Variants in CTNNA3 observed in about 807,000 individuals in gnomAD.
The protein encoded by CTNNA3 is catenin alpha 3.
In CTNNA3, 76 loss-of-function variants were observed where a neutral mutation model predicts 95.7. The observed-to-expected ratio is 0.79, with a 90% CI of 0.66 to 0.96. The LOEUF is 0.96. Among genes scored for constraint, CTNNA3 ranks in the 40% least tolerant of loss-of-function variants. The pLI, the probability that CTNNA3 is intolerant of heterozygous loss-of-function variation, is 0.00. For missense variants in CTNNA3, 1,191 were observed against 1,089.8 expected (o/e 1.09, Z -1.31); for synonymous variants, 431 against 374.4 (o/e 1.15, Z -1.74).
intron 5 of CTNNA3, among the ~76,000 whole-genome samples, chr10:67,342,794 C>G (rs1018627314): frequency 6.6e-6 from 1 of 152,080 alleles, no homozygotes; most frequent in African/African-American, 2.4e-5. Flanking sequence ...GTTCCATTGG[C>G]CTGTGTGTCT....
At chr10:67,432,951 G>A (rs1175743837) in intron 5 of CTNNA3, among the ~76,000 whole-genome samples, 1 of 151,950 alleles carries the variant, frequency 6.6e-6, no homozygotes, top group East Asian at 1.9e-4. Flanking sequence ...AGTATGTGTA[G>A]CACTTGTATT....
rs568314186 is a variant in CTNNA3, at chr10:66,883,395, A to G, written c.1048-107871T>C. Among the ~76,000 whole-genome samples, 5 of 152,248 alleles carry G rather than the reference A, an allele frequency of 3.3e-5. No homozygotes were observed. The South Asian group carries it at 1.0e-3, about 32-fold the overall frequency. On this transcript the variant is annotated intron_variant, in intron 7 of 17. Transcript: ENST00000433211. The stretch of plus-strand genomic sequence containing the variant: ...AAATGTCACTTCACATCCATCTGCC[A>G]CAGTGATTCCTACCATTTAGAAAGT...
intron 14 of CTNNA3, among the ~76,000 whole-genome samples, chr10:66,099,309 T>A (rs1223103472): frequency 6.6e-6 from 1 of 152,130 alleles, no homozygotes; most frequent in Admixed American, 6.6e-5. Context: ...AGAGTGTGTG[T>A]GAAATGTGCC....
At chr10:67,456,950 T>C (rs1319081146) in intron 5 of CTNNA3, among the ~76,000 whole-genome samples, 1 of 151,940 alleles carries the variant, frequency 6.6e-6, no homozygotes, top group African/African-American at 2.4e-5. Flanking sequence ...AAAAAACATA[T>C]CCTGGATTAT....
intron 13 of CTNNA3, among the ~76,000 whole-genome samples, chr10:66,208,595 C>T (rs1415283683): frequency 6.6e-6 from 1 of 151,790 alleles, no homozygotes; most frequent in Non-Finnish European, 1.5e-5. Context: ...AAATCAAGAA[C>T]ACGCTTGAAA....
At chr10:66,678,522 A>G (rs1483999293) in intron 9 of CTNNA3, among the ~76,000 whole-genome samples, 1 of 152,192 alleles carries the variant, frequency 6.6e-6, no homozygotes, top group African/African-American at 2.4e-5. Flanking sequence ...AATGTTTATA[A>G]GTATGTTATA....
intron 7 of CTNNA3, among the ~76,000 whole-genome samples, chr10:66,903,180 T>C (rs1845831061): frequency 6.6e-6 from 1 of 152,156 alleles, no homozygotes; most frequent in Non-Finnish European, 1.5e-5. Context: ...TTATCCACCA[T>C]GATCAAGTCA....
At chr10:67,635,295 A>C (rs1373066508) in intron 2 of CTNNA3, among the ~76,000 whole-genome samples, 7 of 152,290 alleles carry the variant, frequency 4.6e-5, no homozygotes, top group African/African-American at 1.7e-4. Flanking sequence ...AATTGAAAAG[A>C]AGGGACTCCT....
At chr10:66,119,797 G>A (rs1429937820) in intron 13 of CTNNA3, among the ~76,000 whole-genome samples, 2 of 152,026 alleles carry the variant, frequency 1.3e-5, no homozygotes, top group Admixed American at 1.3e-4. Context: ...TGTGGTAGTT[G>A]CTGATGAGGA....
At chr10:67,156,345 T>C (rs1861309196) in intron 7 of CTNNA3, among the ~76,000 whole-genome samples, 1 of 152,100 alleles carries the variant, frequency 6.6e-6, no homozygotes, top group Admixed American at 6.6e-5. Flanking sequence ...TTTGTTCTTC[T>C]TTTTCTACTT....
intron 11 of CTNNA3, among the ~76,000 whole-genome samples, chr10:66,486,366 A>C (rs1183539196): frequency 6.6e-6 from 1 of 152,178 alleles, no homozygotes; most frequent in East Asian, 1.9e-4. Context: ...AATACAAATA[A>C]GACAATTTTT....
intron 5 of CTNNA3, among the ~76,000 whole-genome samples, chr10:67,277,701 G>A (rs552245288): frequency 4.6e-5 from 7 of 152,034 alleles, no homozygotes; most frequent in Non-Finnish European, 7.4e-5. Flanking sequence ...AATGAAGATG[G>A]CATCAAAAGT....
At chr10:66,357,447 G>GT (rs1427719668) in intron 12 of CTNNA3, among the ~76,000 whole-genome samples, 1 of 151,984 alleles carries the variant, frequency 6.6e-6, no homozygotes, top group African/African-American at 2.4e-5. Flanking sequence ...TTAAGAATAA[G>GT]TTTATCACCC....
chr10:66,868,893 C>G (rs1378218587), intron 7 of CTNNA3, among the ~76,000 whole-genome samples: 4 of 152,120 alleles, frequency 2.6e-5, no homozygotes, highest in Admixed American at 2.6e-4. Context: ...AGATGATGAG[C>G]TCATAGGAGT....
rs150301325 is a variant in CTNNA3 at position 66,548,557 on chromosome 10, A to AT, written c.1375-27785dup. Reference sequence around the variant, plus strand: ...ATCATTATTCCATTAGATGTTATAGATTTTTTTGTCAGATGTCATTTATCA... The same window carrying AT: ...ATCATTATTCCATTAGATGTTATAGATTTTTTTTGTCAGATGTCATTTATCA... On this transcript the variant is annotated intron_variant, in intron 10 of 17. Coordinates refer to ENST00000433211, the MANE Select transcript of CTNNA3 (RefSeq NM_013266.4). 1.4e-3 allele frequency among the ~76,000 whole-genome samples: 215 copies of AT among 152,104 alleles called. 2 individuals are homozygous for AT. The highest frequency in any genetic ancestry group is 5.0e-3 in the African/African-American group (208 of 41,510).
At chr10:66,272,847 C>A (rs2091311202) in intron 13 of CTNNA3, among the ~76,000 whole-genome samples, 1 of 152,174 alleles carries the variant, frequency 6.6e-6, no homozygotes, top group Non-Finnish European at 1.5e-5. Flanking sequence ...CTAATACCTC[C>A]AGTGAATGCC....
chr10:66,924,678 C>A (rs899971532), intron 7 of CTNNA3, among the ~76,000 whole-genome samples: 5 of 152,128 alleles, frequency 3.3e-5, no homozygotes, highest in Non-Finnish European at 7.4e-5. Flanking sequence ...ATATTCAGTA[C>A]GTAATCCTAG....
intron 5 of CTNNA3, among the ~76,000 whole-genome samples, chr10:67,375,467 G>T (rs1429720064): frequency 6.6e-6 from 1 of 152,076 alleles, no homozygotes; most frequent in East Asian, 1.9e-4. Flanking sequence ...AATTAGCCTA[G>T]CTGGGCGTGA....
intron 15 of CTNNA3, among the ~76,000 whole-genome samples, chr10:66,044,782 T>G (rs1207026633): frequency 6.6e-6 from 1 of 152,230 alleles, no homozygotes; most frequent in Non-Finnish European, 1.5e-5. Flanking sequence ...TTAGAGAATT[T>G]GAAGTAATTT....
Sources: allele counts gnomAD v4.1 joint callset (sites outside exome capture counted in the v4.1 genomes callset), GRCh38; gene constraint gnomAD v4.1.1; transcripts MANE v1.5; gene names NCBI Gene and HGNC (gene_info 2026-07-23, HGNC 2026-07-21).